MGRN1: variants seen among roughly 807,000 people sequenced by gnomAD.
MGRN1 encodes E3 ubiquitin-protein ligase MGRN1.
A neutral mutation model predicts 69.2 loss-of-function variants in MGRN1; 29 were observed. The ratio of observed to expected loss-of-function variants is 0.42; its 90% CI spans 0.31 to 0.57. The LOEUF (loss-of-function observed/expected upper bound fraction) is 0.57, where lower values mean the gene tolerates loss of function less well. MGRN1 is among the 20% of genes least tolerant of loss of function. MGRN1 has a pLI of 0.15. For synonymous variants in MGRN1, 470 were observed against 344.2 expected, an observed-to-expected ratio of 1.37 and a Z score of -4.04; for missense variants, 998 against 796.2, an observed-to-expected ratio of 1.25 and a Z score of -3.05.
chr16:4,683,786 G>A (rs1359901599), intron 15 of MGRN1, 57 bp from the exon 16 acceptor site: 20 of 1,508,706 alleles, frequency 1.3e-5, no homozygotes, highest in South Asian at 4.7e-5. Flanking sequence ...TGCCCAGAGG[G>A]ACCTGCCGGG....
rs564894033 is a variant in MGRN1 at position 4,688,824 on chromosome 16, C to T, written c.1647C>T (p.His549=). 6.6e-5 allele frequency: 103 copies of T among 1,553,108 alleles called. No homozygotes were observed. The highest frequency in any genetic ancestry group is 3.7e-4 in the South Asian group (31 of 84,534). ...PGRPTSMETA[H]GLATTSPTWP... ...GGCCCACCTCCATGGAGACGGCCCACGGCCTCGCCACCACCAGCCCCACCT... is the reference window on the plus strand; with the variant it reads ...GGCCCACCTCCATGGAGACGGCCCATGGCCTCGCCACCACCAGCCCCACCT... Residue 549 remains histidine, a synonymous_variant, in exon 17 of 17, where the codon CAC becomes CAT. Coordinates refer to ENST00000262370, the MANE Select transcript of MGRN1 (RefSeq NM_015246.4).
chr16:4,671,315 G>A (rs1444452633), intron 8 of MGRN1, 76 bp from the exon 9 acceptor site: 3 of 1,445,578 alleles, frequency 2.1e-6, no homozygotes, highest in African/African-American at 1.4e-5. Context: ...TGGAGGCAGG[G>A]CTAGGCCAGG....
intron 4 of MGRN1, 80 bp downstream of exon 4, chr16:4,652,904 C>T: frequency 6.9e-7 from 1 of 1,447,216 alleles, no homozygotes; most frequent in East Asian, 2.5e-5. Flanking sequence ...CCTTACTAAC[C>T]AGAGGGAGAA....
intron 6 of MGRN1, 110 bp downstream of exon 6, chr16:4,664,885 T>C (rs1025878623): frequency 4.2e-6 from 6 of 1,439,968 alleles, no homozygotes; most frequent in African/African-American, 1.4e-5. Context: ...GCATAGGGCC[T>C]TGGGCTTCCC....
chr16:4,649,198 G>GAGACTTCTA (rs1279159541), intron 1 of MGRN1: 1 of 152,392 alleles, frequency 6.6e-6, no homozygotes, highest in African/African-American at 2.4e-5. Context: ...CAGATCCACA[G>GAGACTTCTA]AGACTTCTAA....
Position 4,677,512 on chromosome 16 carries a change from C to A in MGRN1, c.1005C>A (p.Ala335=), listed in dbSNP as rs529253143. The A allele has an allele frequency of 3.1e-6, 5 of 1,596,110 alleles. No individual in the cohort carries two copies. Among genetic ancestry groups the A allele is most frequent in the Non-Finnish European group, 4.2e-6 (5 of 1,177,276 alleles). Residue 335 remains alanine (A), a synonymous_variant, in exon 11 of 17, where the codon GCC becomes GCA. Coordinates refer to ENST00000262370, the MANE Select transcript of MGRN1 (RefSeq NM_015246.4). ...GGGCGGTGCGGAAGAAGCCAGGAGC[C>A]CTGTCCCCCGTGTCCTTCAGCCCCG... ...QIRAVRKKPG[A]LSPVSFSPVL...
intron 16 of MGRN1, chr16:4,688,138 G>GC (rs2079375691): frequency 2.3e-5 from 23 of 985,558 alleles, no homozygotes; most frequent in Non-Finnish European, 2.8e-5. Flanking sequence ...TCTGCTGGGA[G>GC]CCATGTGTCA....
chr16:4,667,327 G>A (rs546997686), intron 7 of MGRN1, among the ~76,000 whole-genome samples: 1 of 152,200 alleles, frequency 6.6e-6, no homozygotes. Context: ...GTCCTGTGGC[G>A]AGGCTGGGTC....
intron 4 of MGRN1, among the ~76,000 whole-genome samples, chr16:4,653,103 C>T (rs1179610186): frequency 6.6e-6 from 1 of 152,238 alleles, no homozygotes; most frequent in Non-Finnish European, 1.5e-5. Context: ...GACTGCCCCA[C>T]TTCAGATGCC....
intron 4 of MGRN1, among the ~76,000 whole-genome samples, chr16:4,654,925 G>A (rs1025951529): frequency 6.6e-6 from 1 of 152,336 alleles, no homozygotes; most frequent in South Asian, 2.1e-4. Context: ...TCTAGACTTT[G>A]TTCTTTGAGG....
chr16:4,685,332 C>A (rs1434728236), intron 16 of MGRN1, among the ~76,000 whole-genome samples: 1 of 152,232 alleles, frequency 6.6e-6, no homozygotes, highest in South Asian at 2.1e-4. Flanking sequence ...TGTGGCCAGG[C>A]CTGGGAAGGA....
chr16:4,676,322 G>T (rs901622958), intron 10 of MGRN1, among the ~76,000 whole-genome samples: 5 of 152,254 alleles, frequency 3.3e-5, no homozygotes, highest in Non-Finnish European at 4.4e-5. Flanking sequence ...GTCTAGGAAG[G>T]TTCTCTGTGC....
At chr16:4,676,764 C>T (rs965769757) in intron 10 of MGRN1, among the ~76,000 whole-genome samples, 1 of 152,168 alleles carries the variant, frequency 6.6e-6, no homozygotes, top group Non-Finnish European at 1.5e-5. Flanking sequence ...AGGACTGGCA[C>T]TGTGGGATGA....
chr16:4,684,335 G>A (rs576738681), intron 16 of MGRN1, among the ~76,000 whole-genome samples: 4 of 152,370 alleles, frequency 2.6e-5, no homozygotes, highest in South Asian at 2.1e-4. Flanking sequence ...GTCCTATCGT[G>A]GGCCCACAGG....
chr16:4,665,197 G>A (rs373729464), intron 7 of MGRN1, 46 bp downstream of exon 7: 2 of 1,606,208 alleles, frequency 1.2e-6, no homozygotes, highest in African/African-American at 1.3e-5. Context: ...TGGGAGCTGG[G>A]CAGGGGGTGG....
chr16:4,656,857 G>T (rs1055586621), intron 4 of MGRN1, among the ~76,000 whole-genome samples: 6 of 151,892 alleles, frequency 4.0e-5, no homozygotes, highest in Non-Finnish European at 8.8e-5. Context: ...TCCAGCCCAG[G>T]CGACAGAGCG....
intron 1 of MGRN1, chr16:4,639,641 G>C (rs896222162): frequency 6.6e-6 from 1 of 152,266 alleles, no homozygotes; most frequent in African/African-American, 2.4e-5. Context: ...ACGCCTGCCT[G>C]TGGATCCACA....
At chr16:4,674,673 G>T (rs1336681832) in intron 10 of MGRN1, among the ~76,000 whole-genome samples, 1 of 100,400 alleles carries the variant, frequency 1.0e-5, no homozygotes, top group East Asian at 3.5e-4. Flanking sequence ...TCGCTCTGTC[G>T]CCCAGGCTGG....
chr16:4,674,094 C>T (rs912005808), intron 10 of MGRN1, among the ~76,000 whole-genome samples: 1 of 152,104 alleles, frequency 6.6e-6, no homozygotes, highest in African/African-American at 2.4e-5. Flanking sequence ...AAGCAATTCT[C>T]CTGTCTCAGC....
Sources: allele counts gnomAD v4.1 joint callset (sites outside exome capture counted in the v4.1 genomes callset), GRCh38; gene constraint gnomAD v4.1.1; transcripts MANE v1.5; gene names NCBI Gene and HGNC (gene_info 2026-07-23, HGNC 2026-07-21).